The following COL6A1 variants were observed in gnomAD, a reference collection of about 807,000 sequenced individuals.
COL6A1 encodes the protein collagen type VI alpha 1 chain.
A neutral mutation model predicts 145.6 loss-of-function variants in COL6A1; 80 were observed. That is an observed-to-expected ratio of 0.55 (90% CI 0.46 to 0.66). COL6A1 has a LOEUF of 0.66. Among genes scored for constraint, COL6A1 ranks in the 30% least tolerant of loss-of-function variants. The probability of loss-of-function intolerance (pLI) is 0.00; values close to 1 mark genes in which losing one functional copy is unlikely to be tolerated. For synonymous variants in COL6A1, 638 were observed against 622.8 expected, an observed-to-expected ratio of 1.02 and a Z score of -0.36; for missense variants, 1,364 against 1,473.8, an observed-to-expected ratio of 0.93 and a Z score of 1.22.
chr21:45,999,984 G>GATCATGGGGGGA (rs1569518934), intron 27 of COL6A1, among the ~76,000 whole-genome samples: 15 of 1,030 alleles, frequency 0.015, 1 homozygote, highest in Non-Finnish European at 0.033. Flanking sequence ...CATGGAGGGG[G>GATCATGGGGGGA]ACATGTGAGG....
chr21:45,999,601 A>G lies in COL6A1; in HGVS notation c.1741-56A>G, dbSNP rs899197387. On this transcript the variant is annotated intron_variant, in intron 26 of 34. Coordinates refer to ENST00000361866, the MANE Select transcript of COL6A1 (RefSeq NM_001848.3). Reference sequence around the variant, plus strand: ...CTGGGGGTGGGGGCTGTCTCAGCTCAGGAAGCACAGTGGGCTCCTCACCCT... The same window carrying G: ...CTGGGGGTGGGGGCTGTCTCAGCTCGGGAAGCACAGTGGGCTCCTCACCCT... 5.0e-6 allele frequency: 8 copies of G among 1,596,538 alleles called. No individual in the cohort carries two copies. The Admixed American group carries it at 1.4e-4, about 27-fold the overall frequency.
In COL6A1 at chr21:45,994,383, T is replaced by C. The variant is rs1221566157; in HGVS notation, c.1398+154T>C. ...GGGGTGTCCCTGCGTGGGAGCCGGC[T>C]GCAGGGGGTGAGGCGCGGCCTGGGC... On this transcript the variant is annotated intron_variant, in intron 20 of 34. Coordinates refer to ENST00000361866, the MANE Select transcript of COL6A1 (RefSeq NM_001848.3). This position sits in a 1 kb window ranked among gnomAD's most constrained non-coding sequence, Gnocchi z 6.8. Among the ~76,000 whole-genome samples, 4 of 151,976 alleles carry C rather than the reference T, an allele frequency of 2.6e-5. No homozygotes were observed. The highest frequency in any genetic ancestry group is 7.2e-5 in the African/African-American group (3 of 41,392).
chr21:45,993,124 C>T (rs2077786171), intron 19 of COL6A1, among the ~76,000 whole-genome samples: 1 of 152,248 alleles, frequency 6.6e-6, no homozygotes, highest in African/African-American at 2.4e-5. Flanking sequence ...TTAAAATTCC[C>T]AGCGTGAGGA....
At chr21:45,999,732 G>A in intron 27 of COL6A1, 40 bp downstream of exon 27, 1 of 1,587,084 alleles carries the variant, frequency 6.3e-7, no homozygotes, top group South Asian at 1.1e-5. Flanking sequence ...GGCGACCACT[G>A]TAGCTTCCAT....
chr21:46,001,137 A>T, intron 29 of COL6A1, 116 bp from the exon 30 acceptor site: 6 of 1,402,976 alleles, frequency 4.3e-6, no homozygotes, highest in Non-Finnish European at 5.8e-6. Flanking sequence ...AGACGGGGGG[A>T]CCCCAACGTG....
At chr21:45,999,917 G>GAGGGCATGTGAGGATCATGGA (rs2077830120) in intron 27 of COL6A1, among the ~76,000 whole-genome samples, 35 of 128,680 alleles carry the variant, frequency 2.7e-4, no homozygotes, top group South Asian at 5.6e-4. Flanking sequence ...GAGGATCATG[G>GAGGGCATGTGAGGATCATGGA]GGGACATGTG....
chr21:45,994,364 T>G lies in COL6A1; in HGVS notation c.1398+135T>G. On this transcript the variant is annotated intron_variant, in intron 20 of 34. Coordinates refer to ENST00000361866, the MANE Select transcript of COL6A1 (RefSeq NM_001848.3). This position sits in a 1 kb window ranked among gnomAD's most constrained non-coding sequence, Gnocchi z 6.8. Reference sequence around the variant, plus strand: ...TGTGTTTCCGTAGATCTCGGGGGTGTCCCTGCGTGGGAGCCGGCTGCAGGG... The same window carrying G: ...TGTGTTTCCGTAGATCTCGGGGGTGGCCCTGCGTGGGAGCCGGCTGCAGGG... The G allele has an allele frequency of 1.1e-6, 1 of 914,096 alleles. No homozygotes were observed. Among genetic ancestry groups the G allele is most frequent in the Non-Finnish European group, 1.7e-6 (1 of 584,380 alleles). 56.6% of individuals were successfully genotyped at this position (914,096 alleles called of 1,614,324 possible).
At position 45,998,136 on chromosome 21, in the gene COL6A1, G is replaced by T. The variant is rs760815168; in HGVS notation, c.1540G>T (p.Ala514Ser). The change falls in exon 23 of 35, where the codon GCT becomes TCT. Residue 514 changes from alanine to serine, a missense_variant. Around this residue, in one of 3 missense-constraint regions of COL6A1, gnomAD observed 938 missense variants for 1,003.8 expected, o/e 0.93. Coordinates refer to ENST00000361866, the MANE Select transcript of COL6A1 (RefSeq NM_001848.3). The stretch of plus-strand genomic sequence containing the variant: ...GCTCCCCCAGGGAGAAGACGGCCCC[G>T]CTGGAAATGGCACCGAGGGCTTCCC... Reference protein sequence around the residue: ...LMGERGEDGPAGNGTEGFPGF... With the variant: ...LMGERGEDGPSGNGTEGFPGF... The T allele has an allele frequency of 2.5e-6, 4 of 1,612,286 alleles. No individual in the cohort carries two copies. In the East Asian group the frequency reaches 8.9e-5, roughly 36 times the overall value.
intron 22 of COL6A1, 100 bp from the exon 23 acceptor site, chr21:45,998,021 C>A: frequency 6.9e-7 from 1 of 1,457,504 alleles, no homozygotes; most frequent in Non-Finnish European, 9.4e-7. Flanking sequence ...TCTGGGCTGA[C>A]GGAGGGGCCC....
chr21:46,003,487 G>A lies in COL6A1; in HGVS notation c.2561G>A (p.Arg854His), dbSNP rs200732314. 37 of 1,610,124 alleles carry A rather than the reference G, an allele frequency of 2.3e-5. 1 individual carries two copies. In the Admixed American group the frequency reaches 4.7e-4, roughly 20 times the overall value. ...GACACCACCAAGCGCTTCGCCAAGC[G>A]CCTGGCCGAGCGCTTCCTCACAGCG... ...NFDTTKRFAKRLAERFLTAGR... is the reference protein window; with the variant it reads ...NFDTTKRFAKHLAERFLTAGR... The change falls in exon 35 of 35, where the codon CGC (arginine) becomes CAC (histidine). Residue 854 changes from arginine (R) to histidine (H), a missense_variant. Arg to His is a conservative substitution (Grantham distance 29, BLOSUM62 0). This residue lies in a region of COL6A1 where 938 missense variants were observed against 1,003.8 expected (regional missense o/e 0.93). Coordinates refer to ENST00000361866, the MANE Select transcript of COL6A1 (RefSeq NM_001848.3).
chr21:46,000,942 G>A, intron 29 of COL6A1, 175 bp downstream of exon 29: 1 of 856,752 alleles, frequency 1.2e-6, no homozygotes, highest in South Asian at 1.4e-5. Flanking sequence ...CCGGGTGTTG[G>A]GCTGGGCCCC....
intron 19 of COL6A1, among the ~76,000 whole-genome samples, chr21:45,993,942 G>A (rs1300686594): frequency 6.6e-6 from 1 of 152,190 alleles, no homozygotes; most frequent in Non-Finnish European, 1.5e-5. Context: ...GCCCCAGGAG[G>A]AGCTGCCGGC....
chr21:45,995,162 G>A (rs954762623), intron 20 of COL6A1, among the ~76,000 whole-genome samples: 2 of 152,272 alleles, frequency 1.3e-5, no homozygotes, highest in Admixed American at 1.3e-4. Flanking sequence ...TGTCATAGAT[G>A]AGGACCAGGG....
intron 22 of COL6A1, among the ~76,000 whole-genome samples, 154 bp downstream of exon 22, chr21:45,997,916 C>T (rs1353111658): frequency 6.6e-6 from 1 of 152,190 alleles, no homozygotes. Flanking sequence ...GGCACCTGAG[C>T]CAGAGGCCGC....
intron 29 of COL6A1, 54 bp from the exon 30 acceptor site, chr21:46,001,199 G>A: frequency 6.3e-7 from 1 of 1,585,952 alleles, no homozygotes; most frequent in Non-Finnish European, 8.6e-7. Flanking sequence ...GAGGGGAGGG[G>A]CCAGGGCACT....
chr21:45,999,799 G>GT (rs2077828065), intron 27 of COL6A1, 107 bp downstream of exon 27: 6 of 928,818 alleles, frequency 6.5e-6, no homozygotes, highest in Admixed American at 4.4e-5. Context: ...TCACGGGGGG[G>GT]TGGGTTGTGG....
chr21:45,994,312 G>A lies in COL6A1; in HGVS notation c.1398+83G>A, dbSNP rs1418512741. 3 of 1,316,862 alleles carry A rather than the reference G, an allele frequency of 2.3e-6. No homozygotes were observed. The Admixed American group carries it at 5.9e-5, about 26-fold the overall frequency. 81.6% of individuals were successfully genotyped at this position (1,316,862 alleles called of 1,614,324 possible). On this transcript the variant is annotated intron_variant, in intron 20 of 34. Transcript: ENST00000361866. This position sits in a 1 kb window ranked among gnomAD's most constrained non-coding sequence, Gnocchi z 6.8. Reference sequence around the variant, plus strand: ...TGCTCCAGCAGCTCACGCACTGGGGGTCTGTTCATTTCCGTTTGAGGGCCT... The same window carrying A: ...TGCTCCAGCAGCTCACGCACTGGGGATCTGTTCATTTCCGTTTGAGGGCCT...
intron 3 of COL6A1, among the ~76,000 whole-genome samples, chr21:45,986,239 A>G (rs1270497072): frequency 6.6e-6 from 1 of 152,198 alleles, no homozygotes; most frequent in Non-Finnish European, 1.5e-5. Flanking sequence ...CTCACTGGTC[A>G]GGGGCTTTGC....
intron 19 of COL6A1, among the ~76,000 whole-genome samples, chr21:45,993,869 A>G (rs969512614): frequency 1.3e-5 from 2 of 152,216 alleles, no homozygotes; most frequent in Non-Finnish European, 2.9e-5. Context: ...CATGGCTACA[A>G]ACACTTGCCG....
Sources: allele counts gnomAD v4.1 joint callset (sites outside exome capture counted in the v4.1 genomes callset), GRCh38; gene constraint gnomAD v4.1.1; regional missense constraint gnomAD v4.1.1; non-coding constraint Gnocchi (gnomAD v3.1); transcripts MANE v1.5; gene names NCBI Gene and HGNC (gene_info 2026-07-23, HGNC 2026-07-21).